The following PAX6 variants were observed in gnomAD, a reference collection of about 807,000 sequenced individuals.
PAX6 encodes the protein paired box protein Pax-6.
PAX6 carries 7 observed loss-of-function variants against 60.7 expected under a neutral mutation model. That is an observed-to-expected ratio of 0.12 (90% CI 0.07 to 0.22). The LOEUF (loss-of-function observed/expected upper bound fraction) is 0.22. Among genes scored for constraint, PAX6 ranks in the 10% least tolerant of loss-of-function variants. The probability of loss-of-function intolerance (pLI) is 1.00; values close to 1 mark genes in which losing one functional copy is unlikely to be tolerated. For missense variants in PAX6, 355 were observed against 555.2 expected (o/e 0.64, Z 3.62); for synonymous variants, 208 against 201.2 (o/e 1.03, Z -0.29).
chr11:31,789,912 C>CTTTTTTTTTTTTTTT lies in PAX6; in HGVS notation c.*7_*21dup, dbSNP rs759391101. On this transcript the variant is annotated 3_prime_UTR_variant, in exon 14 of 14. Coordinates refer to ENST00000640368, the MANE Select transcript of PAX6 (RefSeq NM_001368894.2). ...CTGAATTAACACAATATTTCCTTTCCTTTTTTTTTTTTTTTTTTTTTTTAC... is the reference window on the plus strand; with the variant it reads ...CTGAATTAACACAATATTTCCTTTCCTTTTTTTTTTTTTTTTTTTTTTTTTTTTTTTTTTTTTTAC... The CTTTTTTTTTTTTTTT allele has an allele frequency of 5.7e-6, 6 of 1,046,602 alleles. No homozygotes were observed. The highest frequency in any genetic ancestry group is 2.6e-5 in the East Asian group (1 of 38,840). The allele number at this position is 1,046,602 out of a possible 1,614,324, so 64.8% of individuals were successfully genotyped here. A position where few individuals can be genotyped will look rare whatever the true frequency, so the allele number is the denominator to read the frequency against.
At chr11:31,816,671 C>G (rs751635981) in intron 1 of PAX6, 5 of 696,258 alleles carry the variant, frequency 7.2e-6, no homozygotes, top group Middle Eastern at 2.5e-4. Flanking sequence ...CCACTGCGCT[C>G]GTCCCCCGTT....
chr11:31,801,041 G>A, intron 7 of PAX6, 185 bp from the exon 8 acceptor site: 1 of 784,826 alleles, frequency 1.3e-6, no homozygotes, highest in Non-Finnish European at 2.1e-6. Flanking sequence ...TTTGGGCATG[G>A]AAATTTAGTT....
intron 8 of PAX6, chr11:31,800,459 C>G (rs183947174): frequency 3.2e-6 from 2 of 628,604 alleles, no homozygotes; most frequent in African/African-American, 3.6e-5. Context: ...ACCCACCAGC[C>G]ACCTTCATAC....
rs917273732 is a variant in PAX6, at chr11:31,789,709, C to T, written c.*225G>A. 7 of 703,232 alleles carry T rather than the reference C, an allele frequency of 1.0e-5. No individual in the cohort carries two copies. The Admixed American group carries it at 1.4e-4, about 14-fold the overall frequency. The allele number at this position is 703,232 out of a possible 1,614,324, so 43.6% of individuals were successfully genotyped here. On this transcript the variant is annotated 3_prime_UTR_variant, in exon 14 of 14. Coordinates refer to ENST00000640368, the MANE Select transcript of PAX6 (RefSeq NM_001368894.2). ...ACCAAAATGAATAAAAGTTTGGATA[C>T]CAAAATGAAGATTTGTTCCAACTGA... is the stretch of plus-strand genomic sequence containing the variant.
At chr11:31,795,309 ACAGT>A (rs1415965330) in intron 8 of PAX6, among the ~76,000 whole-genome samples, 13 of 152,240 alleles carry the variant, frequency 8.5e-5, no homozygotes, top group South Asian at 2.1e-4. Flanking sequence ...TGAATTCTGC[ACAGT>A]CAATTTCATT....
rs1358669299 is a variant in PAX6, at chr11:31,789,268, T to TGAC, written c.*663_*665dup. The TGAC allele has an allele frequency of 1.4e-5, 3 of 219,964 alleles. No individual in the cohort carries two copies. Among genetic ancestry groups the TGAC allele is most frequent in the African/African-American group, 6.7e-5 (3 of 44,686 alleles). The allele number at this position is 219,964 out of a possible 1,614,324, so 13.6% of individuals were successfully genotyped here. On this transcript the variant is annotated 3_prime_UTR_variant, in exon 14 of 14. Transcript: ENST00000640368. ...CTAGGGAAGACAAATACTTACATTT[T>TGAC]GACATAAAACAAATTGGATTATATC...
intron 4 of PAX6, chr11:31,804,313 A>C (rs1274464243): frequency 6.6e-6 from 1 of 152,220 alleles, no homozygotes; most frequent in African/African-American, 2.4e-5. Flanking sequence ...CGTCACGACA[A>C]ACGGGACCGT....
chr11:31,801,999 C>T (rs1954066178), intron 5 of PAX6, 87 bp from the exon 6 acceptor site: 1 of 1,048,788 alleles, frequency 9.5e-7, no homozygotes, highest in Non-Finnish European at 1.5e-6. Flanking sequence ...GCCCTAAAAA[C>T]TACAAATATG....
intron 13 of PAX6, chr11:31,790,313 G>A: frequency 4.7e-6 from 3 of 640,040 alleles, no homozygotes; most frequent in Non-Finnish European, 6.9e-6. Flanking sequence ...CAATAAAGCT[G>A]TCTCTGGAAA....
At chr11:31,801,010 G>T in intron 7 of PAX6, 154 bp from the exon 8 acceptor site, 1 of 841,194 alleles carries the variant, frequency 1.2e-6, no homozygotes, top group Non-Finnish European at 1.9e-6. Flanking sequence ...GATACACCGT[G>T]GAAAAAATGA....
intron 10 of PAX6, 87 bp from the exon 11 acceptor site, chr11:31,793,889 C>T (rs1374909864): frequency 2.0e-5 from 30 of 1,484,718 alleles, no homozygotes; most frequent in Non-Finnish European, 2.4e-5. Flanking sequence ...TCCCCACGCC[C>T]ATGGCAGCAG....
chr11:31,793,992 T>TAA, intron 10 of PAX6, 40 bp downstream of exon 10: 1 of 1,385,246 alleles, frequency 7.2e-7, no homozygotes, highest in South Asian at 1.2e-5. Context: ...AGACAAATGG[T>TAA]ATGAATCACA....
chr11:31,802,391 A>G (rs1954293827), intron 5 of PAX6: 1 of 386,368 alleles, frequency 2.6e-6, no homozygotes, highest in Non-Finnish European at 4.7e-6. Context: ...ATTACGGTTC[A>G]TAAACTGTTC....
upstream of PAX6, chr11:31,811,435 T>A: frequency 2.5e-6 from 1 of 392,984 alleles, no homozygotes; most frequent in Non-Finnish European, 4.5e-6. Context: ...GGTCCGTTTG[T>A]TTGAATATGA....
intron 8 of PAX6, among the ~76,000 whole-genome samples, chr11:31,796,466 G>C (rs530709283): frequency 6.8e-6 from 1 of 146,870 alleles, no homozygotes; most frequent in Non-Finnish European, 1.5e-5. Context: ...AGGGCGCTTG[G>C]CTGGGGGGAT....
At chr11:31,798,780 C>G (rs1430381703) in intron 8 of PAX6, among the ~76,000 whole-genome samples, 3 of 152,242 alleles carry the variant, frequency 2.0e-5, no homozygotes, top group Admixed American at 2.0e-4. Flanking sequence ...CGGACCCTAG[C>G]TGATTTGACT....
chr11:31,805,123 A>C (rs1474804107), intron 4 of PAX6: 1 of 152,290 alleles, frequency 6.6e-6, no homozygotes, highest in African/African-American at 2.4e-5. Context: ...CCCGGGAACG[A>C]GCGGCACAAA....
chr11:31,799,879 T>A (rs1282291374), intron 8 of PAX6, among the ~76,000 whole-genome samples: 1 of 152,138 alleles, frequency 6.6e-6, no homozygotes, highest in Non-Finnish European at 1.5e-5. Context: ...GAGTAAACTG[T>A]TTCCTATTCT....
rs1416459040 is a variant in PAX6 at position 31,789,847 on chromosome 11, T to C, written c.*87A>G. On this transcript the variant is annotated 3_prime_UTR_variant, in exon 14 of 14. Transcript: ENST00000640368. ...CGGCTCTAACAGCCATTTTTCTTTC[T>C]TTCCTGAAAGCTCAACTGTTGTGTC... 7.9e-7 allele frequency: 1 copy of C among 1,263,458 alleles called. No homozygotes were observed. Among genetic ancestry groups the C allele is most frequent in the Admixed American group, 1.9e-5 (1 of 51,418 alleles). 78.3% of individuals were successfully genotyped at this position (1,263,458 alleles called of 1,614,324 possible).
Sources: allele counts gnomAD v4.1 joint callset (sites outside exome capture counted in the v4.1 genomes callset), GRCh38; gene constraint gnomAD v4.1.1; transcripts MANE v1.5; gene names NCBI Gene and HGNC (gene_info 2026-07-23, HGNC 2026-07-21).